The following PLCL1 variants were observed in gnomAD, a reference collection of about 807,000 sequenced individuals.
PLCL1 encodes phospholipase C like 1 (inactive), also known as inactive phospholipase C-like protein 1.
A neutral mutation model predicts 84.4 loss-of-function variants in PLCL1; 41 were observed. That is an observed-to-expected ratio of 0.49 (90% CI 0.38 to 0.63). The LOEUF is 0.63. Ranked by LOEUF, PLCL1 falls within the 30% of genes least tolerant of loss-of-function variation. The probability of loss-of-function intolerance (pLI) is 0.00; values close to 1 mark genes in which losing one functional copy is unlikely to be tolerated. For synonymous variants in PLCL1, 490 were observed against 488.3 expected (o/e 1.00, Z -0.05); for missense variants, 1,206 against 1,367.8 (o/e 0.88, Z 1.87).
chr2:198,111,122 G>C (rs1478161071), intron 5 of PLCL1, among the ~76,000 whole-genome samples: 1 of 151,826 alleles, frequency 6.6e-6, no homozygotes, highest in Non-Finnish European at 1.5e-5. Context: ...TCTTGTATCA[G>C]TTGGGGTATG....
intron 1 of PLCL1, among the ~76,000 whole-genome samples, chr2:197,936,149 T>C (rs1689049574): frequency 6.9e-6 from 1 of 144,082 alleles, no homozygotes; most frequent in African/African-American, 2.5e-5. Context: ...CCTCACATTT[T>C]CTTTATCCAT....
chr2:197,856,376 A>T (rs1227725640), intron 1 of PLCL1, among the ~76,000 whole-genome samples: 1 of 152,176 alleles, frequency 6.6e-6, no homozygotes, highest in Non-Finnish European at 1.5e-5. Context: ...GCATTATAGG[A>T]TCTTAGATTT....
chr2:197,834,046 A>T (rs566988689), intron 1 of PLCL1, among the ~76,000 whole-genome samples: 2 of 152,364 alleles, frequency 1.3e-5, no homozygotes, highest in South Asian at 4.1e-4. Context: ...GACAAACCTG[A>T]CAAAAACAAG....
intron 1 of PLCL1, among the ~76,000 whole-genome samples, chr2:197,983,200 CTTTTTTTTTTTTTTTTTTTTTTTTTT>C (rs760577848): frequency 5.0e-5 from 3 of 60,254 alleles, no homozygotes; most frequent in South Asian, 8.3e-4. Context: ...CTTTTCTTTT[CTTTTTTTTTTTTTTTTTTTTTTTTTT>C]TTTTTTTTTT....
chr2:198,058,230 C>G (rs1692111899), intron 1 of PLCL1, among the ~76,000 whole-genome samples: 2 of 152,034 alleles, frequency 1.3e-5, no homozygotes, highest in African/African-American at 4.8e-5. Flanking sequence ...ATTTTACTTT[C>G]CATTTTATGT....
At chr2:198,037,577 C>T (rs1238659174) in intron 1 of PLCL1, among the ~76,000 whole-genome samples, 1 of 152,184 alleles carries the variant, frequency 6.6e-6, no homozygotes, top group African/African-American at 2.4e-5. Flanking sequence ...ATCCACTTAA[C>T]TGACACTCAG....
At chr2:198,063,698 A>C (rs879153159) in intron 1 of PLCL1, among the ~76,000 whole-genome samples, 3 of 152,218 alleles carry the variant, frequency 2.0e-5, no homozygotes, top group Admixed American at 2.0e-4. Flanking sequence ...TTGTAAACTT[A>C]GTTTTCTAAG....
intron 3 of PLCL1, among the ~76,000 whole-genome samples, chr2:198,098,226 C>T (rs536397424): frequency 6.6e-6 from 1 of 152,214 alleles, no homozygotes; most frequent in Admixed American, 6.5e-5. Context: ...TTTATTGACT[C>T]ACATTTTCTC....
intron 1 of PLCL1, among the ~76,000 whole-genome samples, chr2:197,947,382 A>G (rs1028957137): frequency 1.9e-4 from 29 of 152,042 alleles, no homozygotes; most frequent in African/African-American, 6.5e-4. Flanking sequence ...CTAATTCAGT[A>G]GGGGCCTGGT....
intron 1 of PLCL1, among the ~76,000 whole-genome samples, chr2:198,027,996 G>A (rs1691314363): frequency 6.6e-6 from 1 of 151,930 alleles, no homozygotes; most frequent in Non-Finnish European, 1.5e-5. Flanking sequence ...ACCATGCTTG[G>A]TTAATTTTTT....
At chr2:197,981,464 A>G (rs115260949) in intron 1 of PLCL1, among the ~76,000 whole-genome samples, 56 of 152,336 alleles carry the variant, frequency 3.7e-4, no homozygotes, top group Admixed American at 2.3e-3. Flanking sequence ...AATATAAACA[A>G]TTACTTTTTA....
chr2:198,126,685 C>T (rs1190489986), intron 5 of PLCL1, among the ~76,000 whole-genome samples: 1 of 152,018 alleles, frequency 6.6e-6, no homozygotes, highest in Non-Finnish European at 1.5e-5. Context: ...TGGGCAGATC[C>T]CTTGAGCTCA....
intron 1 of PLCL1, among the ~76,000 whole-genome samples, chr2:198,020,668 T>G (rs139121323): frequency 0.018 from 2,770 of 151,872 alleles, 73 homozygotes; most frequent in African/African-American, 0.061. Flanking sequence ...TACATAATGG[T>G]AAAGGGATCA....
intron 1 of PLCL1, among the ~76,000 whole-genome samples, chr2:198,037,166 G>A (rs139749103): frequency 2.7e-4 from 41 of 152,228 alleles, no homozygotes; most frequent in African/African-American, 9.9e-4. Flanking sequence ...ATATTAATAA[G>A]CCACTAGTTT....
At chr2:198,125,344 C>A (rs1324735639) in intron 5 of PLCL1, among the ~76,000 whole-genome samples, 1 of 151,962 alleles carries the variant, frequency 6.6e-6, no homozygotes, top group Middle Eastern at 3.4e-3. Context: ...TATGTATGAG[C>A]AATTTGTCCA....
chr2:197,897,182 T>TCTTCTC (rs1688163363), intron 1 of PLCL1, among the ~76,000 whole-genome samples: 45 of 45,896 alleles, frequency 9.8e-4, no homozygotes, highest in South Asian at 3.2e-3. Context: ...TTCTTCTTCT[T>TCTTCTC]CTTCTTCTCC....
At chr2:198,058,984 TGG>T (rs1242585149) in intron 1 of PLCL1, among the ~76,000 whole-genome samples, 1 of 152,212 alleles carries the variant, frequency 6.6e-6, no homozygotes, top group Non-Finnish European at 1.5e-5. Context: ...CATCTTACTG[TGG>T]GTGTCATTGA....
rs16825820 is a variant in PLCL1 at position 197,932,286 on chromosome 2, C to T, written c.240+126947C>T. Among the ~76,000 whole-genome samples, 1,349 of 152,222 alleles carry T rather than the reference C, an allele frequency of 8.9e-3. 21 individuals are homozygous for T. The highest frequency in any genetic ancestry group is 0.031 in the African/African-American group (1,285 of 41,526). ...ATGGTTTAGGAATTGCTGTCTAGGA[C>T]CTCTTTTTATACTGCACTGAACACA... On this transcript the variant is annotated intron_variant, in intron 1 of 5. Transcript: ENST00000428675.
At chr2:198,033,579 C>T (rs748906880) in intron 1 of PLCL1, among the ~76,000 whole-genome samples, 1 of 152,160 alleles carries the variant, frequency 6.6e-6, no homozygotes, top group Non-Finnish European at 1.5e-5. Flanking sequence ...TGCCTACTAT[C>T]CAAGAATTCA....
Sources: allele counts gnomAD v4.1 joint callset (sites outside exome capture counted in the v4.1 genomes callset), GRCh38; gene constraint gnomAD v4.1.1; transcripts MANE v1.5; gene names NCBI Gene and HGNC (gene_info 2026-07-23, HGNC 2026-07-21).